Variants in FAT3 observed in about 807,000 individuals in gnomAD.
FAT3 encodes protocadherin Fat 3.
In FAT3, 95 loss-of-function variants were observed where a neutral mutation model predicts 310.2. That is an observed-to-expected ratio of 0.31 (90% CI 0.26 to 0.36). FAT3 has a LOEUF of 0.36. Ranked by LOEUF, FAT3 falls within the 10% of genes least tolerant of loss-of-function variation. The pLI, the probability that FAT3 is intolerant of heterozygous loss-of-function variation, is 1.00. For synonymous variants in FAT3, 2,314 were observed against 2,192.9 expected (o/e 1.06, Z -1.54); for missense variants, 5,408 against 5,715.6 (o/e 0.95, Z 1.74).
In FAT3 at chr11:92,373,574, A is replaced by G. The variant is rs144335503; in HGVS notation, c.3292+18170A>G. ...GAATATCTGTAATATTCATGTATTC[A>G]TTACAATATGTATTATATATTATGC... On this transcript the variant is annotated intron_variant, in intron 2 of 27. Coordinates refer to ENST00000525166, the MANE Select transcript of FAT3 (RefSeq NM_001367949.2). Among the ~76,000 whole-genome samples, 761 of 152,282 alleles carry G rather than the reference A, an allele frequency of 5.0e-3. 5 individuals are homozygous for G. The highest frequency in any genetic ancestry group is 0.017 in the African/African-American group (720 of 41,548).
intron 20 of FAT3, among the ~76,000 whole-genome samples, chr11:92,857,961 GATTCATAT>G (rs1199139034): frequency 6.6e-6 from 1 of 151,718 alleles, no homozygotes; most frequent in East Asian, 1.9e-4. Flanking sequence ...TACTTCATTT[GATTCATAT>G]ATTCTCTGCC....
At chr11:92,340,321 T>C (rs950606082) in intron 1 of FAT3, among the ~76,000 whole-genome samples, 2 of 152,056 alleles carry the variant, frequency 1.3e-5, no homozygotes, top group Non-Finnish European at 2.9e-5. Context: ...GATGTCAGAC[T>C]GGTAAGCGGC....
At chr11:92,405,203 A>G (rs756576720) in intron 2 of FAT3, among the ~76,000 whole-genome samples, 14 of 151,850 alleles carry the variant, frequency 9.2e-5, no homozygotes, top group Non-Finnish European at 1.9e-4. Context: ...CAGATGTTTC[A>G]CTTTGGGGCA....
At chr11:92,516,440 C>T (rs1054566653) in intron 2 of FAT3, among the ~76,000 whole-genome samples, 1 of 152,050 alleles carries the variant, frequency 6.6e-6, no homozygotes, top group African/African-American at 2.4e-5. Context: ...ATTAAACACC[C>T]CTTCATACTA....
chr11:92,304,777 G>T (rs1189556949), intron 1 of FAT3, among the ~76,000 whole-genome samples: 1 of 152,032 alleles, frequency 6.6e-6, no homozygotes, highest in Non-Finnish European at 1.5e-5. Context: ...ACAGGCATGG[G>T]GTCCAAGAAT....
chr11:92,709,777 T>C (rs919011990), intron 4 of FAT3, among the ~76,000 whole-genome samples: 1 of 152,208 alleles, frequency 6.6e-6, no homozygotes, highest in Non-Finnish European at 1.5e-5. Context: ...CCAGCTGATA[T>C]GCAGAACAGG....
chr11:92,458,549 A>G (rs939912841), intron 2 of FAT3, among the ~76,000 whole-genome samples: 17 of 151,170 alleles, frequency 1.1e-4, no homozygotes, highest in Non-Finnish European at 2.1e-4. Flanking sequence ...TCTTATCTGC[A>G]CCCCCTTATT....
chr11:92,610,535 T>G (rs941940253), intron 3 of FAT3, among the ~76,000 whole-genome samples: 6 of 152,176 alleles, frequency 3.9e-5, no homozygotes, highest in Non-Finnish European at 7.4e-5. Flanking sequence ...TTCAAGTGTC[T>G]TTTTTCATTT....
chr11:92,792,239 A>G (rs768069769), intron 8 of FAT3, among the ~76,000 whole-genome samples: 1 of 152,164 alleles, frequency 6.6e-6, no homozygotes, highest in African/African-American at 2.4e-5. Flanking sequence ...CTTGACTCTA[A>G]GCTTCTTGAG....
At chr11:92,702,099 T>A (rs576771676) in intron 4 of FAT3, among the ~76,000 whole-genome samples, 1 of 152,242 alleles carries the variant, frequency 6.6e-6, no homozygotes, top group African/African-American at 2.4e-5. Flanking sequence ...ATCTGTGAAG[T>A]GGGGATAACA....
Position 92,882,747 on chromosome 11 carries a change from G to C in FAT3, c.12291G>C (p.Glu4097Asp). The C allele has an allele frequency of 6.2e-7, 1 of 1,600,634 alleles. No individual in the cohort carries two copies. The highest frequency in any genetic ancestry group is 8.5e-7 in the Non-Finnish European group (1 of 1,171,882). ...KAGLTGVTCE[E>D]DINECEREEC... ...TTCTGTGTCGCCGCAGGTGTGAGGA[G>C]GACATCAATGAGTGCGAACGAGAGG... The change falls in exon 24 of 28, where the codon GAG becomes GAC. Residue 4097 changes from glutamate (E) to aspartate (D), a missense_variant. By Grantham distance (45) the Glu-to-Asp change is conservative. Transcript: ENST00000525166.
intron 1 of FAT3, among the ~76,000 whole-genome samples, chr11:92,285,370 A>C (rs1591053783): frequency 1.3e-5 from 2 of 152,190 alleles, no homozygotes; most frequent in Admixed American, 1.3e-4. Context: ...TAATATTGTT[A>C]TTATTTTGCT....
At chr11:92,473,337 A>G (rs963420222) in intron 2 of FAT3, among the ~76,000 whole-genome samples, 2 of 55,134 alleles carry the variant, frequency 3.6e-5, no homozygotes, top group Admixed American at 4.4e-4. Context: ...GGTTGTGCAG[A>G]GAGAGATGAA....
At chr11:92,244,427 G>T (rs1268759740) in intron 1 of FAT3, among the ~76,000 whole-genome samples, 1 of 152,130 alleles carries the variant, frequency 6.6e-6, no homozygotes, top group Admixed American at 6.6e-5. Flanking sequence ...CTCTTGCACA[G>T]ATCACAGCTT....
chr11:92,315,530 G>T (rs1413704827), intron 1 of FAT3, among the ~76,000 whole-genome samples: 5 of 140,874 alleles, frequency 3.5e-5, no homozygotes, highest in Admixed American at 2.1e-4. Context: ...GAGAGAGAGA[G>T]AGAGAGAGAG....
At chr11:92,430,207 C>G (rs1287161969) in intron 2 of FAT3, among the ~76,000 whole-genome samples, 1 of 152,172 alleles carries the variant, frequency 6.6e-6, no homozygotes, top group African/African-American at 2.4e-5. Context: ...AGTCCTCATG[C>G]TGTGTTTTGC....
intron 2 of FAT3, among the ~76,000 whole-genome samples, chr11:92,422,384 G>A (rs186112199): frequency 1.6e-3 from 244 of 152,202 alleles, no homozygotes; most frequent in Non-Finnish European, 2.1e-3. Context: ...CTTTTTCAGT[G>A]CCTGGAGCAA....
Position 92,754,627 on chromosome 11 carries a change from C to CAAAAAAA in FAT3, c.3670-7217_3670-7211dup, listed in dbSNP as rs71064722. The stretch of plus-strand genomic sequence containing the variant: ...TGGGCGACAGAGGAAGACTCTGCCT[C>CAAAAAAA]AAAAAAAAAAAAAAAAAAGGAGATA... On this transcript the variant is annotated intron_variant, in intron 4 of 27. Transcript: ENST00000525166. 6.8e-3 allele frequency among the ~76,000 whole-genome samples: 222 copies of CAAAAAAA among 32,700 alleles called. 19 individuals carry two copies. Among genetic ancestry groups the CAAAAAAA allele is most frequent in the African/African-American group, 0.047 (203 of 4,326 alleles). 21.5% of individuals were successfully genotyped at this position (32,700 alleles called of 152,430 possible).
intron 6 of FAT3, among the ~76,000 whole-genome samples, chr11:92,772,627 T>A (rs977181514): frequency 2.6e-5 from 4 of 152,158 alleles, no homozygotes; most frequent in Admixed American, 6.6e-5. Context: ...TGAAATTTTT[T>A]AAAAAGTATA....
Sources: gnomAD v4.1 joint callset for allele counts (sites outside exome capture counted in the v4.1 genomes callset) on GRCh38, gnomAD v4.1.1 for gene constraint, MANE v1.5 for transcripts, NCBI Gene and HGNC (gene_info 2026-07-23, HGNC 2026-07-21) for gene names.